FBXW7: variants seen among roughly 807,000 people sequenced by gnomAD.
FBXW7 encodes F-box/WD repeat-containing protein 7.
FBXW7 carries 11 observed loss-of-function variants against 86.3 expected under a neutral mutation model. The observed-to-expected ratio is 0.13, with a 90% CI of 0.08 to 0.21. The LOEUF (loss-of-function observed/expected upper bound fraction) is 0.21, where lower values mean the gene tolerates loss of function less well. FBXW7 is among the 10% of genes least tolerant of loss of function. The probability of loss-of-function intolerance (pLI) is 1.00; values close to 1 mark genes in which losing one functional copy is unlikely to be tolerated. For missense variants in FBXW7, 488 were observed against 847.4 expected (o/e 0.58, Z 5.27); for synonymous variants, 313 against 297.9 (o/e 1.05, Z -0.52).
intron 4 of FBXW7, among the ~76,000 whole-genome samples, chr4:152,355,915 C>T (rs939835563): frequency 3.3e-5 from 5 of 152,022 alleles, no homozygotes; most frequent in Admixed American, 1.3e-4. Context: ...ATTGGGACGA[C>T]TTAAGTTTTT....
At chr4:152,532,251 G>A (rs148404130) in intron 2 of FBXW7, among the ~76,000 whole-genome samples, 95 of 152,262 alleles carry the variant, frequency 6.2e-4, no homozygotes, top group Non-Finnish European at 1.1e-3. Context: ...TTTGTAAGAA[G>A]CCACTTTCAA....
At chr4:152,344,151 C>T (rs1390511616) in intron 6 of FBXW7, among the ~76,000 whole-genome samples, 2 of 152,162 alleles carry the variant, frequency 1.3e-5, no homozygotes, top group East Asian at 3.8e-4. Flanking sequence ...CAACTCATGA[C>T]TCCCCACTTT....
intron 4 of FBXW7, among the ~76,000 whole-genome samples, chr4:152,369,400 G>C (rs903117498): frequency 6.6e-6 from 1 of 152,096 alleles, no homozygotes; most frequent in Non-Finnish European, 1.5e-5. Context: ...CTCCACGAGG[G>C]TGATGGCTGG....
chr4:152,460,499 T>G (rs1742843278), intron 2 of FBXW7, among the ~76,000 whole-genome samples: 1 of 152,226 alleles, frequency 6.6e-6, no homozygotes, highest in African/African-American at 2.4e-5. Context: ...TAGAAATGCT[T>G]GCAATGGTGG....
At chr4:152,372,247 A>G (rs1400793226) in intron 4 of FBXW7, among the ~76,000 whole-genome samples, 1 of 152,012 alleles carries the variant, frequency 6.6e-6, no homozygotes, top group African/African-American at 2.4e-5. Flanking sequence ...GCATGTACTC[A>G]GAGACTTAAG....
At chr4:152,350,549 A>G (rs966731832) in intron 4 of FBXW7, among the ~76,000 whole-genome samples, 1 of 151,812 alleles carries the variant, frequency 6.6e-6, no homozygotes, top group African/African-American at 2.4e-5. Flanking sequence ...AAAATTCAAA[A>G]TTGTAAAATC....
chr4:152,529,834 T>C (rs965637895), intron 2 of FBXW7, among the ~76,000 whole-genome samples: 2 of 151,350 alleles, frequency 1.3e-5, no homozygotes, highest in Non-Finnish European at 2.9e-5. Context: ...CACACACACA[T>C]ATACCCTCGA....
intron 2 of FBXW7, among the ~76,000 whole-genome samples, chr4:152,418,522 G>C (rs72721614): frequency 0.032 from 4,803 of 152,240 alleles, 98 homozygotes; most frequent in Non-Finnish European, 0.049. Context: ...AAACTGAACA[G>C]ATTTTCCTTC....
intron 4 of FBXW7, among the ~76,000 whole-genome samples, chr4:152,387,167 T>A (rs1208462603): frequency 3.9e-5 from 6 of 152,154 alleles, no homozygotes; most frequent in Non-Finnish European, 8.8e-5. Context: ...AAGTCTTACC[T>A]CAAAAACTTT....
At chr4:152,437,123 A>G (rs1740452498) in intron 2 of FBXW7, among the ~76,000 whole-genome samples, 2 of 152,248 alleles carry the variant, frequency 1.3e-5, no homozygotes, top group Non-Finnish European at 2.9e-5. Flanking sequence ...TTTGAGAAGG[A>G]TAACTGCACT....
At chr4:152,401,270 C>T (rs1040898554) in intron 4 of FBXW7, among the ~76,000 whole-genome samples, 1 of 152,126 alleles carries the variant, frequency 6.6e-6, no homozygotes, top group Non-Finnish European at 1.5e-5. Flanking sequence ...TTCATAATTG[C>T]CAATTATGTG....
chr4:152,490,494 C>T (rs1230219507), intron 2 of FBXW7, among the ~76,000 whole-genome samples: 1 of 151,994 alleles, frequency 6.6e-6, no homozygotes, highest in African/African-American at 2.4e-5. Context: ...CTATAAGGTA[C>T]ACTTAGTATC....
chr4:152,366,727 G>T (rs1468245534), intron 4 of FBXW7, among the ~76,000 whole-genome samples: 1 of 152,070 alleles, frequency 6.6e-6, no homozygotes, highest in Non-Finnish European at 1.5e-5. Context: ...ACAGTGTGGC[G>T]ATTCTTCAAG....
At chr4:152,430,708 G>T (rs1739810763) in intron 2 of FBXW7, among the ~76,000 whole-genome samples, 1 of 151,948 alleles carries the variant, frequency 6.6e-6, no homozygotes, top group South Asian at 2.1e-4. Flanking sequence ...AACATTAGAG[G>T]GAAGAAACCA....
At chr4:152,394,791 G>A (rs976659284) in intron 4 of FBXW7, among the ~76,000 whole-genome samples, 17 of 152,124 alleles carry the variant, frequency 1.1e-4, no homozygotes, top group African/African-American at 4.1e-4. Context: ...AACACTATGT[G>A]GTAGATGCTA....
intron 4 of FBXW7, chr4:152,382,214 T>C: frequency 1.3e-6 from 2 of 1,558,358 alleles, no homozygotes; most frequent in Non-Finnish European, 1.7e-6. Context: ...AGGGAGGCCT[T>C]GGGCAATGAT....
chr4:152,330,822 T>C lies in FBXW7; in HGVS notation c.1032A>G (p.Pro344=), dbSNP rs1357254344. ...LHIKRRKVIK[P]GFIHSPWKSA... ...TTTTCCATGGACTGTGTATGAAACC[T>C]GGTTTTATTACTTTTCTTCTCTTGA... Residue 344 remains proline (P), a synonymous_variant, in exon 9 of 14, where the codon CCA becomes CCG. Coordinates refer to ENST00000281708, the MANE Select transcript of FBXW7 (RefSeq NM_001349798.2). The C allele has an allele frequency of 2.5e-6, 4 of 1,612,614 alleles. No individual in the cohort carries two copies. Among genetic ancestry groups the C allele is most frequent in the Non-Finnish European group, 3.4e-6 (4 of 1,178,892 alleles).
chr4:152,437,645 A>G (rs1740500433), intron 2 of FBXW7, among the ~76,000 whole-genome samples: 1 of 152,214 alleles, frequency 6.6e-6, no homozygotes, highest in African/African-American at 2.4e-5. Context: ...AAGAAGTTCT[A>G]CTCTGCATAA....
chr4:152,367,819 T>G (rs1733635831), intron 4 of FBXW7, among the ~76,000 whole-genome samples: 1 of 152,062 alleles, frequency 6.6e-6, no homozygotes. Context: ...TGTAGACATT[T>G]TAAGTAAATA....
Sources: gnomAD v4.1 joint callset for allele counts (sites outside exome capture counted in the v4.1 genomes callset) on GRCh38, gnomAD v4.1.1 for gene constraint, MANE v1.5 for transcripts, NCBI Gene and HGNC (gene_info 2026-07-23, HGNC 2026-07-21) for gene names.